The following VLDLR variants were observed in gnomAD, a reference collection of about 807,000 sequenced individuals.
VLDLR encodes very low density lipoprotein receptor, also known as very low-density lipoprotein receptor.
Under a neutral mutation model 112.7 loss-of-function variants are expected in VLDLR, and 81 were observed. The observed-to-expected ratio is 0.72, with a 90% confidence interval of 0.60 to 0.86. The LOEUF is 0.86. Among genes scored for constraint, VLDLR ranks in the 40% least tolerant of loss-of-function variants. VLDLR has a pLI of 0.00. For synonymous variants in VLDLR, 436 were observed against 384.8 expected (o/e 1.13, Z -1.56); for missense variants, 1,237 against 1,099.4 (o/e 1.13, Z -1.77).
intron 9 of VLDLR, 72 bp from the exon 10 acceptor site, chr9:2,645,502 T>G: frequency 6.5e-7 from 1 of 1,543,158 alleles, no homozygotes; most frequent in South Asian, 1.1e-5. Context: ...GCTCCTCTGC[T>G]GGGAGGAGGT....
intron 4 of VLDLR, among the ~76,000 whole-genome samples, chr9:2,641,891 G>A (rs1012994305): frequency 6.6e-6 from 1 of 151,638 alleles, no homozygotes; most frequent in African/African-American, 2.4e-5. Flanking sequence ...AATTTGATTG[G>A]GTTATTGGAA....
rs35633088 is a variant in VLDLR at position 2,648,538 on chromosome 9, T to C, written c.1963-131T>C. 1,594 of 1,535,402 alleles carry C rather than the reference T, an allele frequency of 1.0e-3. 10 individuals carry two copies. In the African/African-American group the frequency reaches 0.018, roughly 18 times the overall value. On this transcript the variant is annotated intron_variant, in intron 13 of 18. Coordinates refer to ENST00000382100, the MANE Select transcript of VLDLR (RefSeq NM_003383.5). ...ACACCTAAACTTGATTCTTTTACAG[T>C]TTTATATCCAGTGTCCCAGTTCAGC...
intron 1 of VLDLR, among the ~76,000 whole-genome samples, chr9:2,634,606 CAT>C: frequency 6.6e-6 from 1 of 152,292 alleles, no homozygotes; most frequent in East Asian, 1.9e-4. Context: ...ATTAAATATC[CAT>C]ACATTAAGCA....
intron 8 of VLDLR, 33 bp downstream of exon 8, chr9:2,644,886 G>T: frequency 6.2e-7 from 1 of 1,614,122 alleles, no homozygotes; most frequent in South Asian, 1.1e-5. Flanking sequence ...GACCCTGCAG[G>T]TGATGGGAAA....
chr9:2,645,445 A>G lies in VLDLR; in HGVS notation c.1313-129A>G, dbSNP rs35503559. 339 of 1,201,664 alleles carry G rather than the reference A, an allele frequency of 2.8e-4. 1 individual carries two copies. The African/African-American group carries it at 4.6e-3, about 16-fold the overall frequency. The allele number at this position is 1,201,664 out of a possible 1,614,324, so 74.4% of individuals were successfully genotyped here. A position where few individuals can be genotyped will look rare whatever the true frequency, so the allele number is the denominator to read the frequency against. ...TGCAGGTCCCAGGGGCAGGAACTCC[A>G]GAACAGATACTACTGAGGTATTCCA... On this transcript the variant is annotated intron_variant, in intron 9 of 18. Coordinates refer to ENST00000382100, the MANE Select transcript of VLDLR (RefSeq NM_003383.5).
At position 2,622,250 on chromosome 9, in the gene VLDLR, G is replaced by A; in HGVS notation, c.61G>A (p.Glu21Lys). 1.3e-6 allele frequency: 2 copies of A among 1,494,518 alleles called. No homozygotes were observed. Among genetic ancestry groups the A allele is most frequent in the East Asian group, 5.5e-5 (2 of 36,168 alleles). The allele number at this position is 1,494,518 out of a possible 1,614,324, so 92.6% of individuals were successfully genotyped here. Residue 21 changes from glutamate to lysine, a missense_variant, in exon 1 of 19, where the codon GAG (glutamate) becomes AAG (lysine). Coordinates refer to ENST00000382100, the MANE Select transcript of VLDLR (RefSeq NM_003383.5). ...GCTCGCGCTGTGCTGGGCGCCCCGG[G>A]AGAGCGGCGCCACCGGAACCGGTGA... ...LLLALCWAPR[E>K]SGATGTGRKA...
intron 12 of VLDLR, chr9:2,647,877 C>G: frequency 3.5e-6 from 2 of 570,666 alleles, no homozygotes; most frequent in South Asian, 4.1e-5. Flanking sequence ...GGCATGAGTG[C>G]CTTAGCATTT....
intron 18 of VLDLR, 112 bp downstream of exon 18, chr9:2,653,061 A>T: frequency 7.3e-7 from 1 of 1,363,794 alleles, no homozygotes; most frequent in South Asian, 1.2e-5. Context: ...CAAACACTTC[A>T]TCTGCTACCT....
rs1461622361 is a variant in VLDLR at position 2,648,213 on chromosome 9, A to G, written c.1828A>G (p.Ile610Val). 1 of 1,614,200 alleles carries G rather than the reference A, an allele frequency of 6.2e-7. No individual in the cohort carries two copies. Among genetic ancestry groups the G allele is most frequent in the East Asian group, 2.2e-5 (1 of 44,888 alleles). ...QWPNGITLDL[I>V]KSRLYWLDSK... Reference sequence around the variant, plus strand: ...ACAATTCTTTTCCTACCTAGACCTTATAAAAAGTCGCCTCTATTGGCTTGA... The same window carrying G: ...ACAATTCTTTTCCTACCTAGACCTTGTAAAAAGTCGCCTCTATTGGCTTGA... The change falls in exon 13 of 19, where the codon ATA (isoleucine) becomes GTA (valine). Residue 610 changes from isoleucine to valine, a missense_variant. Coordinates refer to ENST00000382100, the MANE Select transcript of VLDLR (RefSeq NM_003383.5).
chr9:2,649,443 G>C (rs1366223138), intron 14 of VLDLR, among the ~76,000 whole-genome samples: 1 of 152,150 alleles, frequency 6.6e-6, no homozygotes, highest in Non-Finnish European at 1.5e-5. Flanking sequence ...CCAGGCTGGA[G>C]TGCAGTGGCA....
In VLDLR at chr9:2,648,876, G is replaced by C. The variant is rs1366540818; in HGVS notation, c.2104+66G>C. On this transcript the variant is annotated intron_variant, in intron 14 of 18. Coordinates refer to ENST00000382100, the MANE Select transcript of VLDLR (RefSeq NM_003383.5). The stretch of plus-strand genomic sequence containing the variant: ...GAAGCAGCATGACACAGAACCTGCT[G>C]GATGTCAGTAGCTCTTGGCAACTCA... The C allele has an allele frequency of 4.4e-6, 7 of 1,603,920 alleles. No individual in the cohort carries two copies. The African/African-American group carries it at 9.4e-5, about 21-fold the overall frequency.
rs1246325303 is a variant in VLDLR, at chr9:2,643,631, C to G, written c.824C>G (p.Ser275Cys). ...KDGSDEVNCP[S>C]RTCRPDQFEC... Reference sequence around the variant, plus strand: ...ATGGTGTTTCCTCCCTTTGTAGCCTCTCGAACTTGCCGACCTGACCAATTT... The same window carrying G: ...ATGGTGTTTCCTCCCTTTGTAGCCTGTCGAACTTGCCGACCTGACCAATTT... Residue 275 changes from serine to cysteine, a missense_variant, in exon 6 of 19, where the codon TCT becomes TGT. By Grantham distance (112) the Ser-to-Cys change is moderately radical. Coordinates refer to ENST00000382100, the MANE Select transcript of VLDLR (RefSeq NM_003383.5). 6.8e-6 allele frequency: 11 copies of G among 1,614,184 alleles called. No individual in the cohort carries two copies. Among genetic ancestry groups the G allele is most frequent in the Non-Finnish European group, 9.3e-6 (11 of 1,180,030 alleles).
At chr9:2,634,578 G>C (rs1817516584) in intron 1 of VLDLR, among the ~76,000 whole-genome samples, 1 of 152,204 alleles carries the variant, frequency 6.6e-6, no homozygotes, top group Non-Finnish European at 1.5e-5. Context: ...AGAAGTCTTA[G>C]TTCACACCAT....
chr9:2,633,503 C>G (rs1220008713), intron 1 of VLDLR, among the ~76,000 whole-genome samples: 1 of 152,042 alleles, frequency 6.6e-6, no homozygotes, highest in Non-Finnish European at 1.5e-5. Flanking sequence ...TTGACATTGA[C>G]CTTTAAGTTG....
At chr9:2,627,101 G>A (rs1362140383) in intron 1 of VLDLR, among the ~76,000 whole-genome samples, 1 of 152,164 alleles carries the variant, frequency 6.6e-6, no homozygotes, top group Non-Finnish European at 1.5e-5. Flanking sequence ...TCTAGTAGGG[G>A]AATCAAAGCA....
chr9:2,646,385 C>G lies in VLDLR; in HGVS notation c.1536C>G (p.Val512=), dbSNP rs1335549033. 1 of 1,614,180 alleles carries G rather than the reference C, an allele frequency of 6.2e-7. No homozygotes were observed. The highest frequency in any genetic ancestry group is 1.3e-5 in the African/African-American group (1 of 75,050). Residue 512 remains valine (V), a synonymous_variant, in exon 11 of 19, where the codon GTC becomes GTG. Transcript: ENST00000382100. ...VGRHVKMIDN[V]YNPAAIAVDW... ...GACATGTTAAAATGATCGACAATGT[C>G]TATAATCCTGCAGCCATTGCTGTTG...
At chr9:2,641,155 C>T (rs373119118) in intron 3 of VLDLR, among the ~76,000 whole-genome samples, 2 of 152,178 alleles carry the variant, frequency 1.3e-5, no homozygotes, top group East Asian at 3.9e-4. Context: ...GAAGGAGTGA[C>T]GTGGTCAAAG....
chr9:2,646,130 A>G (rs1818059327), intron 10 of VLDLR, among the ~76,000 whole-genome samples: 1 of 151,850 alleles, frequency 6.6e-6, no homozygotes, highest in East Asian at 1.9e-4. Flanking sequence ...TGTATATAGA[A>G]TACATACCAG....
At chr9:2,647,414 C>G (rs929495334) in intron 11 of VLDLR, 60 bp from the exon 12 acceptor site, 2 of 1,460,800 alleles carry the variant, frequency 1.4e-6, no homozygotes, top group Non-Finnish European at 1.9e-6. Flanking sequence ...TTGTTTCCAG[C>G]TACTACAACT....
Sources: gnomAD v4.1 joint callset for allele counts (sites outside exome capture counted in the v4.1 genomes callset) on GRCh38, gnomAD v4.1.1 for gene constraint, MANE v1.5 for transcripts, NCBI Gene and HGNC (gene_info 2026-07-23, HGNC 2026-07-21) for gene names.